Variants in KCND2 observed in about 807,000 individuals in gnomAD.
KCND2 encodes the protein A-type voltage-gated potassium channel KCND2.
KCND2 carries 16 observed loss-of-function variants against 54.4 expected under a neutral mutation model. That is an observed-to-expected ratio of 0.29 (90% CI 0.20 to 0.45). KCND2 has a LOEUF of 0.45. Ranked by LOEUF, KCND2 falls within the 20% of genes least tolerant of loss-of-function variation. KCND2 has a pLI of 1.00. For synonymous variants in KCND2, 317 were observed against 310.7 expected (o/e 1.02, Z -0.21); for missense variants, 486 against 824.2 (o/e 0.59, Z 5.02).
chr7:120,432,516 C>A (rs1021783061), intron 1 of KCND2, among the ~76,000 whole-genome samples: 13 of 152,198 alleles, frequency 8.5e-5, no homozygotes, highest in African/African-American at 3.1e-4. Flanking sequence ...CACACACACA[C>A]ACACACACCC....
At chr7:120,678,739 T>C (rs1394594955) in intron 1 of KCND2, among the ~76,000 whole-genome samples, 2 of 1,410 alleles carry the variant, frequency 1.4e-3, no homozygotes, top group African/African-American at 2.5e-3. Context: ...TGTGTGAGTG[T>C]ATATATATAT....
At chr7:120,342,352 C>G (rs1800252650) in intron 1 of KCND2, among the ~76,000 whole-genome samples, 1 of 152,156 alleles carries the variant, frequency 6.6e-6, no homozygotes, top group Non-Finnish European at 1.5e-5. Flanking sequence ...AATGCTAGTT[C>G]TCTCTCACAA....
At chr7:120,637,553 A>C (rs1296504150) in intron 1 of KCND2, among the ~76,000 whole-genome samples, 1 of 152,122 alleles carries the variant, frequency 6.6e-6, no homozygotes. Flanking sequence ...ATACTATACA[A>C]ACCAAAAAGA....
chr7:120,675,786 G>C (rs1017653541), intron 1 of KCND2, among the ~76,000 whole-genome samples: 1 of 151,432 alleles, frequency 6.6e-6, no homozygotes, highest in African/African-American at 2.4e-5. Flanking sequence ...ATTATAATGA[G>C]TGATAAAGCT....
intron 1 of KCND2, among the ~76,000 whole-genome samples, chr7:120,330,589 A>AAG (rs1800052767): frequency 2.0e-5 from 3 of 149,678 alleles, no homozygotes; most frequent in Non-Finnish European, 4.5e-5. Context: ...CTCAAAAAAA[A>AAG]AAAAAAAAAA....
intron 1 of KCND2, among the ~76,000 whole-genome samples, chr7:120,688,803 G>A (rs1792234768): frequency 6.6e-6 from 1 of 152,142 alleles, no homozygotes; most frequent in Non-Finnish European, 1.5e-5. Context: ...AAAAATAGAA[G>A]TAACTGTACT....
chr7:120,339,352 A>G (rs1800205169), intron 1 of KCND2, among the ~76,000 whole-genome samples: 2 of 152,154 alleles, frequency 1.3e-5, no homozygotes, highest in South Asian at 4.1e-4. Flanking sequence ...AGAAATATAA[A>G]TATTGCATGC....
At chr7:120,647,309 T>C (rs1157717688) in intron 1 of KCND2, among the ~76,000 whole-genome samples, 2 of 152,214 alleles carry the variant, frequency 1.3e-5, no homozygotes, top group African/African-American at 4.8e-5. Flanking sequence ...TTGAACTCAG[T>C]TCTCTGTGGC....
chr7:120,412,734 TC>T (rs1801470160), intron 1 of KCND2, among the ~76,000 whole-genome samples: 1 of 152,062 alleles, frequency 6.6e-6, no homozygotes, highest in South Asian at 2.1e-4. Flanking sequence ...CAGAATGCTT[TC>T]TCCACACAGT....
At chr7:120,489,928 T>A (rs183451990) in intron 1 of KCND2, among the ~76,000 whole-genome samples, 78 of 152,204 alleles carry the variant, frequency 5.1e-4, no homozygotes, top group African/African-American at 1.9e-3. Context: ...ACACCTACCC[T>A]GATAGGTGGG....
chr7:120,624,045 G>A (rs9640793), intron 1 of KCND2, among the ~76,000 whole-genome samples: 3,601 of 152,232 alleles, frequency 0.024, 112 homozygotes, highest in African/African-American at 0.074. Context: ...TGAAGTAACC[G>A]TTTTGTTTTA....
chr7:120,696,674 T>C (rs1250988588), intron 1 of KCND2, among the ~76,000 whole-genome samples: 1 of 152,218 alleles, frequency 6.6e-6, no homozygotes, highest in Non-Finnish European at 1.5e-5. Flanking sequence ...TTAGTTACTG[T>C]CAGAGGTTCT....
intron 1 of KCND2, among the ~76,000 whole-genome samples, chr7:120,317,379 A>G (rs934768648): frequency 5.9e-5 from 9 of 152,122 alleles, no homozygotes; most frequent in Admixed American, 3.3e-4. Flanking sequence ...TTCAACCACT[A>G]TGTATATATA....
intron 1 of KCND2, among the ~76,000 whole-genome samples, chr7:120,360,230 C>T (rs948921146): frequency 6.6e-5 from 10 of 151,992 alleles, no homozygotes; most frequent in African/African-American, 2.4e-4. Context: ...TTATTATCAC[C>T]GAGTGCTCTT....
chr7:120,313,034 G>A (rs1799762121), intron 1 of KCND2, among the ~76,000 whole-genome samples: 1 of 152,196 alleles, frequency 6.6e-6, no homozygotes, highest in African/African-American at 2.4e-5. Context: ...GCAGGAATCC[G>A]ATGATGTGGA....
chr7:120,654,079 A>T (rs940836252), intron 1 of KCND2, among the ~76,000 whole-genome samples: 1 of 152,172 alleles, frequency 6.6e-6, no homozygotes, highest in African/African-American at 2.4e-5. Flanking sequence ...ATTATTTGCA[A>T]TGATGATAAT....
rs900688818 is a variant in KCND2, at chr7:120,273,665, A to C, written c.-968A>C. The C allele has an allele frequency of 6.6e-6, 1 of 152,606 alleles. No individual in the cohort carries two copies. Among genetic ancestry groups the C allele is most frequent in the Non-Finnish European group, 1.5e-5 (1 of 68,092 alleles). 9.5% of individuals were successfully genotyped at this position (152,606 alleles called of 1,614,324 possible). On this transcript the variant is annotated 5_prime_UTR_variant, in exon 1 of 6. Coordinates refer to ENST00000331113, the MANE Select transcript of KCND2 (RefSeq NM_012281.3). ...TATTTATGCTCTCTCGGCGCATCGG[A>C]TTCGGCTGCTCGCGAGCTGCTTTCT... is the stretch of plus-strand genomic sequence containing the variant.
chr7:120,293,179 T>G (rs1271458934), intron 1 of KCND2, among the ~76,000 whole-genome samples: 2 of 151,996 alleles, frequency 1.3e-5, no homozygotes, highest in Non-Finnish European at 2.9e-5. Context: ...GTATTGTTTG[T>G]GTGCTACCTA....
intron 1 of KCND2, among the ~76,000 whole-genome samples, chr7:120,695,781 GT>G (rs1489009266): frequency 1.3e-5 from 2 of 152,148 alleles, no homozygotes; most frequent in Admixed American, 1.3e-4. Context: ...TTTTACTAAA[GT>G]TTGTGATGAT....
Sources: gnomAD v4.1 joint callset for allele counts (sites outside exome capture counted in the v4.1 genomes callset) on GRCh38, gnomAD v4.1.1 for gene constraint, MANE v1.5 for transcripts, NCBI Gene and HGNC (gene_info 2026-07-23, HGNC 2026-07-21) for gene names.